The following MAPDA variants were observed in gnomAD, a reference collection of about 807,000 sequenced individuals.
MAPDA encodes the protein N6,N6-dimethyl-AMP deaminase.
the MAPDA span, chr15:43,349,222 G>T: frequency 7.1e-7 from 1 of 1,408,180 alleles, no homozygotes; most frequent in Non-Finnish European, 9.2e-7. Context: ...GCTTCCATTA[G>T]AATATAAGCT....
the MAPDA span, chr15:43,351,591 A>G: frequency 4.8e-6 from 3 of 628,812 alleles, no homozygotes; most frequent in African/African-American, 1.8e-5. Context: ...GTATAAATAA[A>G]TCTGTTTAGT....
At chr15:43,330,644 C>T in the MAPDA span, 3 of 863,470 alleles carry the variant, frequency 3.5e-6, no homozygotes, top group Non-Finnish European at 5.1e-6. Context: ...GGGAAGAGCG[C>T]ATCTCGCCAA....
chr15:43,331,609 T>C, the MAPDA span, among the ~76,000 whole-genome samples: 14 of 152,244 alleles, frequency 9.2e-5, no homozygotes, highest in Admixed American at 8.5e-4. Context: ...AATGTTTTCT[T>C]GTGGAACAAA....
At chr15:43,350,535 A>G in the MAPDA span, among the ~76,000 whole-genome samples, 3 of 152,142 alleles carry the variant, frequency 2.0e-5, no homozygotes, top group African/African-American at 7.2e-5. Flanking sequence ...ACCTGGTGCT[A>G]CAGTTTTCTT....
the MAPDA span, among the ~76,000 whole-genome samples, chr15:43,339,826 C>T: frequency 6.6e-6 from 1 of 152,190 alleles, no homozygotes; most frequent in Non-Finnish European, 1.5e-5. Flanking sequence ...AAACCTTAAG[C>T]CATGACTTCA....
At chr15:43,340,634 C>G in the MAPDA span, among the ~76,000 whole-genome samples, 1 of 152,154 alleles carries the variant, frequency 6.6e-6, no homozygotes, top group Non-Finnish European at 1.5e-5. Context: ...CAACAATCAC[C>G]TCAGCCTCTA....
At chr15:43,350,942 A>G in the MAPDA span, 2 of 1,550,942 alleles carry the variant, frequency 1.3e-6, no homozygotes, top group African/African-American at 2.7e-5. Flanking sequence ...TTCATCTAGA[A>G]CTCTGTTTGA....
At chr15:43,338,144 A>G in the MAPDA span, among the ~76,000 whole-genome samples, 8 of 152,370 alleles carry the variant, frequency 5.3e-5, no homozygotes, top group Middle Eastern at 3.4e-3. Flanking sequence ...ATTCATTTCA[A>G]AATGAAAGTT....
chr15:43,344,969 C>T, the MAPDA span, among the ~76,000 whole-genome samples: 1 of 152,010 alleles, frequency 6.6e-6, no homozygotes, highest in Non-Finnish European at 1.5e-5. Context: ...ATGGATCTCA[C>T]CCTCCTAAGA....
chr15:43,333,519 T>C, the MAPDA span: 6 of 152,326 alleles, frequency 3.9e-5, no homozygotes, highest in South Asian at 6.2e-4. Flanking sequence ...ATCTTTTTCA[T>C]TTTTTACTAT....
At chr15:43,334,714 T>C in the MAPDA span, among the ~76,000 whole-genome samples, 1 of 144,320 alleles carries the variant, frequency 6.9e-6, no homozygotes, top group East Asian at 2.0e-4. Context: ...AGTCGTTGTA[T>C]AGAAGGTGCC....
the MAPDA span, among the ~76,000 whole-genome samples, chr15:43,339,028 G>A: frequency 6.6e-6 from 1 of 152,242 alleles, no homozygotes; most frequent in Non-Finnish European, 1.5e-5. Flanking sequence ...AGCTGGGGTA[G>A]CTGAGTGTGG....
At chr15:43,332,854 G>T in the MAPDA span, among the ~76,000 whole-genome samples, 1 of 152,128 alleles carries the variant, frequency 6.6e-6, no homozygotes, top group African/African-American at 2.4e-5. Flanking sequence ...TACTAACGTG[G>T]ATCTTATCCC....
the MAPDA span, chr15:43,335,287 C>T: frequency 1.5e-5 from 16 of 1,095,780 alleles, no homozygotes; most frequent in South Asian, 1.4e-4. Context: ...GAAATTCTGG[C>T]GCTTTGGGAG....
the MAPDA span, chr15:43,351,304 C>G: frequency 3.2e-6 from 1 of 308,080 alleles, no homozygotes; most frequent in East Asian, 6.3e-5. Flanking sequence ...CCATCTTGGG[C>G]AACAAGAGTG....
chr15:43,348,817 T>G, the MAPDA span: 1 of 1,398,460 alleles, frequency 7.2e-7, no homozygotes. Context: ...TAAGTACTAC[T>G]TAGAGGGGCA....
At chr15:43,335,288 G>T in the MAPDA span, 1 of 1,013,974 alleles carries the variant, frequency 9.9e-7, no homozygotes, top group Non-Finnish European at 1.5e-6. Flanking sequence ...AAATTCTGGC[G>T]CTTTGGGAGG....
the MAPDA span, chr15:43,340,337 A>C: frequency 6.2e-7 from 1 of 1,613,988 alleles, no homozygotes; most frequent in Non-Finnish European, 8.5e-7. Context: ...CACACCCAGA[A>C]GAGAAAATGC....
the MAPDA span, chr15:43,333,435 G>A: frequency 6.6e-6 from 1 of 151,578 alleles, no homozygotes; most frequent in South Asian, 2.1e-4. Flanking sequence ...AAAAAAAAAG[G>A]TATGTTTTTC....
Sources: gnomAD v4.1 joint callset for allele counts (sites outside exome capture counted in the v4.1 genomes callset) on GRCh38, gnomAD v4.1.1 for gene constraint, MANE v1.5 for transcripts, NCBI Gene and HGNC (gene_info 2026-07-23, HGNC 2026-07-21) for gene names.